Variants in VPS13A observed in about 807,000 individuals in gnomAD.
VPS13A encodes the protein vacuolar protein sorting 13 homolog A.
In VPS13A, 264 loss-of-function variants were observed where a neutral mutation model predicts 390.9. The ratio of observed to expected loss-of-function variants is 0.68; its 90% CI spans 0.61 to 0.75. VPS13A has a LOEUF of 0.75. VPS13A is among the 30% of genes least tolerant of loss of function. The pLI is 0.00. For missense variants in VPS13A, 3,409 were observed against 3,733.9 expected (o/e 0.91, Z 2.27); for synonymous variants, 1,231 against 1,227.1 (o/e 1.00, Z -0.07).
chr9:77,340,588 TCTATTTTCTCCTTGA>T, intron 50 of VPS13A, 38 bp downstream of exon 50: 1 of 1,609,864 alleles, frequency 6.2e-7, no homozygotes, highest in Non-Finnish European at 8.5e-7. Context: ...CTCTTTGGAT[TCTATTTTCTCCTTGA>T]AGTTAGATAC....
At chr9:77,320,116 C>T (rs973439580) in intron 42 of VPS13A, among the ~76,000 whole-genome samples, 4 of 152,066 alleles carry the variant, frequency 2.6e-5, no homozygotes, top group Admixed American at 2.6e-4. Context: ...AGACATTGTT[C>T]TAAATATTTT....
intron 16 of VPS13A, 89 bp downstream of exon 16, chr9:77,227,574 C>T: frequency 9.7e-7 from 1 of 1,033,920 alleles, no homozygotes. Context: ...CCAGGCTGGA[C>T]TGCAGTGGTG....
intron 1 of VPS13A, among the ~76,000 whole-genome samples, chr9:77,179,108 C>T (rs900673037): frequency 4.6e-5 from 7 of 152,126 alleles, no homozygotes; most frequent in Non-Finnish European, 8.8e-5. Context: ...AATTTGTCTC[C>T]CATGTACCTC....
Position 77,205,294 on chromosome 9 carries a change from T to C in VPS13A, c.188-19T>C. The C allele has an allele frequency of 7.3e-7, 1 of 1,374,746 alleles. No homozygotes were observed. Among genetic ancestry groups the C allele is most frequent in the East Asian group, 2.4e-5 (1 of 42,150 alleles). 85.2% of individuals were successfully genotyped at this position (1,374,746 alleles called of 1,614,324 possible). A position where few individuals can be genotyped will look rare whatever the true frequency, so the allele number is the denominator to read the frequency against. On this transcript the variant is annotated intron_variant, in intron 3 of 71. Coordinates refer to ENST00000360280, the MANE Select transcript of VPS13A (RefSeq NM_033305.3). ...GAGTAATATTTTTTGTCCTTTTTTT[T>C]TTTCCCAAAAAAATGTAGGTAATCT...
At chr9:77,226,012 T>C (rs1177690390) in intron 14 of VPS13A, 24 bp downstream of exon 14, 1 of 1,580,940 alleles carries the variant, frequency 6.3e-7, no homozygotes, top group Non-Finnish European at 8.7e-7. Context: ...TTTCAATTAG[T>C]AAAAATAATT....
Position 77,419,505 on chromosome 9 carries a change from A to G in VPS13A, c.*3499A>G, listed in dbSNP as rs1835280757. 1 of 152,180 alleles carries G rather than the reference A, an allele frequency of 6.6e-6. No homozygotes were observed. The highest frequency in any genetic ancestry group is 1.5e-5 in the Non-Finnish European group (1 of 68,032). 9.4% of individuals were successfully genotyped at this position (152,180 alleles called of 1,614,324 possible). A position where few individuals can be genotyped will look rare whatever the true frequency, so the allele number is the denominator to read the frequency against. ...TGGATTGTGTGGAGCCTGACCTTAG[A>G]TAAGGAGCAGCAGATCCACAACTCA... On this transcript the variant is annotated 3_prime_UTR_variant, in exon 72 of 72. Transcript: ENST00000360280.
In VPS13A at chr9:77,362,603, T is replaced by C. The variant is rs577552352; in HGVS notation, c.8211+1962T>C. ...GATGGGTTTGGCTGTTCTGAGTCCT[T>C]TGAAATTTCATATGAATTTTAGAAT... On this transcript the variant is annotated intron_variant, in intron 59 of 71. Coordinates refer to ENST00000360280, the MANE Select transcript of VPS13A (RefSeq NM_033305.3). Among the ~76,000 whole-genome samples the C allele has an allele frequency of 9.8e-5, 15 of 152,336 alleles. No individual in the cohort carries two copies. The South Asian group carries it at 3.1e-3, about 32-fold the overall frequency.
At chr9:77,191,627 A>G (rs1003366872) in intron 1 of VPS13A, among the ~76,000 whole-genome samples, 3 of 152,140 alleles carry the variant, frequency 2.0e-5, no homozygotes, top group African/African-American at 7.2e-5. Flanking sequence ...CAGTGAAATT[A>G]AGATTTCGTT....
At chr9:77,202,705 AGACT>A (rs1452455131) in intron 3 of VPS13A, among the ~76,000 whole-genome samples, 1 of 152,174 alleles carries the variant, frequency 6.6e-6, no homozygotes, top group Non-Finnish European at 1.5e-5. Context: ...GAGAGTAGAT[AGACT>A]ATTTTCTTTA....
At chr9:77,279,368 C>T (rs796510400) in intron 26 of VPS13A, among the ~76,000 whole-genome samples, 52 of 152,142 alleles carry the variant, frequency 3.4e-4, no homozygotes, top group African/African-American at 1.2e-3. Flanking sequence ...CGTCCACGTC[C>T]TTCCTCTTCT....
intron 5 of VPS13A, among the ~76,000 whole-genome samples, chr9:77,207,252 T>TATATATATATATATATATATTA: frequency 1.1e-5 from 1 of 87,274 alleles, no homozygotes; most frequent in Non-Finnish European, 2.3e-5. Context: ...TATATATATA[T>TATATATATATATATATATATTA]AAAACGTGTT....
At chr9:77,365,794 T>C (rs1299324069) in intron 60 of VPS13A, among the ~76,000 whole-genome samples, 1 of 152,096 alleles carries the variant, frequency 6.6e-6, no homozygotes, top group Non-Finnish European at 1.5e-5. Context: ...GACCTAACAT[T>C]ATTTTACCTT....
At chr9:77,363,832 T>C (rs1427583385) in intron 59 of VPS13A, among the ~76,000 whole-genome samples, 1 of 152,254 alleles carries the variant, frequency 6.6e-6, no homozygotes, top group East Asian at 1.9e-4. Context: ...GGGAAGAGAT[T>C]AATAGTTACC....
Position 77,353,641 on chromosome 9 carries a change from G to A in VPS13A, c.7652G>A (p.Ser2551Asn). The A allele has an allele frequency of 6.2e-7, 1 of 1,609,842 alleles. No homozygotes were observed. Among genetic ancestry groups the A allele is most frequent in the South Asian group, 1.1e-5 (1 of 90,884 alleles). The change falls in exon 54 of 72, where the codon AGT becomes AAT. Residue 2551 changes from serine to asparagine, a missense_variant and splice_region_variant. By Grantham distance (46) the Ser-to-Asn change is conservative. Around this residue, in one of 5 missense-constraint regions of VPS13A, gnomAD observed 221 missense variants for 300.7 expected, o/e 0.73. Coordinates refer to ENST00000360280, the MANE Select transcript of VPS13A (RefSeq NM_033305.3). ...KQEVAYIGIT[S>N]SDVVWETKPK... ...GAAGTAGCCTATATAGGCATTACAA[G>A]GTTAGATGCATTAAATTTTGGATAC... is the stretch of plus-strand genomic sequence containing the variant.
At position 77,415,913 on chromosome 9, in the gene VPS13A, G is replaced by T. The variant is rs2274486; in HGVS notation, c.9475-43G>T. 7.3e-3 allele frequency: 11,818 copies of T among 1,609,494 alleles called. 950 individuals carry two copies. In the East Asian group the frequency reaches 0.19, roughly 26 times the overall value. ...TTCATTACATTTTGTTTCATTACAA[G>T]TTCACTGAAGTAAGCAAATGTTCAT... On this transcript the variant is annotated intron_variant, in intron 71 of 71. Coordinates refer to ENST00000360280, the MANE Select transcript of VPS13A (RefSeq NM_033305.3).
rs547717521 is a variant in VPS13A at position 77,276,290 on chromosome 9, A to C, written c.2824+69A>C. 7.3e-6 allele frequency: 10 copies of C among 1,364,212 alleles called. No homozygotes were observed. In the East Asian group the frequency reaches 1.5e-4, roughly 21 times the overall value. 84.5% of individuals were successfully genotyped at this position (1,364,212 alleles called of 1,614,324 possible). On this transcript the variant is annotated intron_variant, in intron 26 of 71. Coordinates refer to ENST00000360280, the MANE Select transcript of VPS13A (RefSeq NM_033305.3). ...TTTGACTACCTGCTAGAGAGTTTTC[A>C]ATTCTTTAGGCTCTGAATCAGTACA...
In VPS13A at chr9:77,321,317, A is replaced by G. The variant is rs889344619; in HGVS notation, c.5564A>G (p.Asn1855Ser). ...LSKCGLVMLNNLVKAFTEAAT... is the reference protein window; with the variant it reads ...LSKCGLVMLNSLVKAFTEAAT... ...AAATGTGGTCTTGTAATGTTAAACA[A>G]TTTAGTCAAGGTAAGAAAAGAAATT... Residue 1855 changes from asparagine to serine, a missense_variant, in exon 43 of 72, where the codon AAT becomes AGT. Asn to Ser is a conservative substitution (Grantham distance 46). Transcript: ENST00000360280. 4.4e-6 allele frequency: 7 copies of G among 1,606,596 alleles called. No homozygotes were observed. Among genetic ancestry groups the G allele is most frequent in the Non-Finnish European group, 6.0e-6 (7 of 1,174,984 alleles).
At chr9:77,384,574 C>A in intron 68 of VPS13A, 1 of 1,611,300 alleles carries the variant, frequency 6.2e-7, no homozygotes, top group South Asian at 1.1e-5. Flanking sequence ...TTTCCTTTGC[C>A]ATGCTTACAG....
chr9:77,247,173 GT>G lies in VPS13A; in HGVS notation c.1901-82del, dbSNP rs1289700629. On this transcript the variant is annotated intron_variant, in intron 19 of 71. Transcript: ENST00000360280. ...TTAATACTAATTTTACATTAAGATT[GT>G]TTTATCAGTTCATATATTTAGTGAT... is the stretch of plus-strand genomic sequence containing the variant. The G allele has an allele frequency of 1.1e-5, 12 of 1,127,382 alleles. No individual in the cohort carries two copies. The East Asian group carries it at 2.8e-4, about 26-fold the overall frequency. 69.8% of individuals were successfully genotyped at this position (1,127,382 alleles called of 1,614,324 possible).
Sources: allele counts gnomAD v4.1 joint callset (sites outside exome capture counted in the v4.1 genomes callset), GRCh38; gene constraint gnomAD v4.1.1; regional missense constraint gnomAD v4.1.1; transcripts MANE v1.5; gene names NCBI Gene and HGNC (gene_info 2026-07-23, HGNC 2026-07-21).